The following JAK2 variants were observed in gnomAD, a reference collection of about 807,000 sequenced individuals.
JAK2 encodes tyrosine-protein kinase JAK2.
JAK2 carries 86 observed loss-of-function variants against 139.3 expected under a neutral mutation model. The ratio of observed to expected loss-of-function variants is 0.62; its 90% CI spans 0.52 to 0.74. The LOEUF is 0.74. Ranked by LOEUF, JAK2 falls within the 30% of genes least tolerant of loss-of-function variation. The pLI is 0.00. For missense variants in JAK2, 1,421 were observed against 1,360.3 expected (o/e 1.04, Z -0.70); for synonymous variants, 490 against 437.7 (o/e 1.12, Z -1.49).
At chr9:5,111,822 C>T (rs1822584601) in intron 22 of JAK2, 1 of 418,662 alleles carries the variant, frequency 2.4e-6, no homozygotes, top group Non-Finnish European at 4.7e-6. Flanking sequence ...GCGGCGTCTC[C>T]AGCCACACGC....
chr9:5,111,602 G>C, intron 22 of JAK2: 1 of 368,150 alleles, frequency 2.7e-6, no homozygotes, highest in East Asian at 7.2e-5. Flanking sequence ...GAGTTCCCTG[G>C]GCCAGGTGGG....
At chr9:5,013,718 C>A (rs533077297) in intron 2 of JAK2, among the ~76,000 whole-genome samples, 1 of 152,222 alleles carries the variant, frequency 6.6e-6, no homozygotes, top group South Asian at 2.1e-4. Flanking sequence ...CTTCTAAAAC[C>A]TTTCTTTGTT....
At position 5,034,798 on chromosome 9, in the gene JAK2, T is replaced by C. The variant is rs147916986; in HGVS notation, c.350+4892T>C. ...ACAAGAGAAAGCAGGAAAGATCCAA[T>C]TGACACCCTAACATCACAATTAAAA... On this transcript the variant is annotated intron_variant, in intron 4 of 24. Transcript: ENST00000381652. Among the ~76,000 whole-genome samples the C allele has an allele frequency of 5.6e-4, 85 of 151,768 alleles. 1 individual carries two copies. The highest frequency in any genetic ancestry group is 1.9e-3 in the African/African-American group (80 of 41,420).
chr9:5,001,771 T>G (rs563833177), intron 2 of JAK2, among the ~76,000 whole-genome samples: 1 of 152,230 alleles, frequency 6.6e-6, no homozygotes, highest in East Asian at 1.9e-4. Flanking sequence ...CTTAAATAGT[T>G]GACAGACTTT....
In JAK2 at chr9:5,123,028, G is replaced by T; in HGVS notation, c.3084G>T (p.Glu1028Asp). 1 of 1,611,070 alleles carries T rather than the reference G, an allele frequency of 6.2e-7. No individual in the cohort carries two copies. The highest frequency in any genetic ancestry group is 1.1e-5 in the South Asian group (1 of 90,736). Reference sequence around the variant, plus strand: ...GGTATGCTCCAGAATCACTGACAGAGAGCAAGTTTTCTGTGGCCTCAGATG... The same window carrying T: ...GGTATGCTCCAGAATCACTGACAGATAGCAAGTTTTCTGTGGCCTCAGATG... The part of the protein sequence containing the change: ...IFWYAPESLT[E>D]SKFSVASDVW... Residue 1028 changes from glutamate (E) to aspartate (D), a missense_variant, in exon 23 of 25, where the codon GAG (glutamate) becomes GAT (aspartate). Transcript: ENST00000381652.
At chr9:5,021,336 C>G (rs982184632) in intron 2 of JAK2, among the ~76,000 whole-genome samples, 16 of 152,182 alleles carry the variant, frequency 1.1e-4, no homozygotes, top group African/African-American at 3.9e-4. Flanking sequence ...TTCTGGACCC[C>G]TCTTCCCCCA....
At chr9:5,003,636 C>T (rs1278628052) in intron 2 of JAK2, among the ~76,000 whole-genome samples, 1 of 152,056 alleles carries the variant, frequency 6.6e-6, no homozygotes, top group East Asian at 1.9e-4. Context: ...CATATACAGA[C>T]ATGTCCTCTA....
intron 3 of JAK2, among the ~76,000 whole-genome samples, chr9:5,025,091 C>A (rs1163600240): frequency 6.6e-6 from 1 of 152,038 alleles, no homozygotes; most frequent in Non-Finnish European, 1.5e-5. Context: ...CATATCTTTG[C>A]CTATTTTCTG....
At chr9:5,039,471 C>T (rs753951421) in intron 4 of JAK2, among the ~76,000 whole-genome samples, 47 of 152,066 alleles carry the variant, frequency 3.1e-4, no homozygotes, top group Non-Finnish European at 2.2e-4. Flanking sequence ...CTTTGTATAT[C>T]AGGAACATGA....
At chr9:4,991,313 A>G (rs912872301) in intron 2 of JAK2, among the ~76,000 whole-genome samples, 8 of 152,234 alleles carry the variant, frequency 5.3e-5, no homozygotes, top group African/African-American at 1.9e-4. Context: ...CTTCCCAAGA[A>G]CATTCTTCTG....
At chr9:5,107,234 C>T (rs1397588186) in intron 22 of JAK2, among the ~76,000 whole-genome samples, 2 of 152,090 alleles carry the variant, frequency 1.3e-5, no homozygotes, top group African/African-American at 2.4e-5. Flanking sequence ...AATAACCTGA[C>T]ACTAGCCTTA....
chr9:5,032,299 C>A (rs545240086), intron 4 of JAK2, among the ~76,000 whole-genome samples: 1 of 152,336 alleles, frequency 6.6e-6, no homozygotes, highest in South Asian at 2.1e-4. Flanking sequence ...GCCTGCCGGC[C>A]TCTGTAGACT....
chr9:5,002,188 C>A (rs10974907), intron 2 of JAK2, among the ~76,000 whole-genome samples: 42,440 of 150,844 alleles, frequency 0.28, 6,344 homozygotes, highest in African/African-American at 0.39. Flanking sequence ...GTTCTTTATT[C>A]TTTCTTCACT....
intron 22 of JAK2, chr9:5,114,187 T>TC: frequency 2.2e-6 from 1 of 454,354 alleles, no homozygotes; most frequent in South Asian, 1.9e-5. Context: ...CCGCAAGGGG[T>TC]GAGCACCTAC....
intron 14 of JAK2, among the ~76,000 whole-genome samples, chr9:5,074,080 A>G (rs1438247751): frequency 1.3e-5 from 2 of 152,182 alleles, no homozygotes; most frequent in African/African-American, 4.8e-5. Context: ...GGCAGGTTCA[A>G]CATAACATTG....
chr9:5,030,353 T>C (rs1823065556), intron 4 of JAK2, among the ~76,000 whole-genome samples: 1 of 152,188 alleles, frequency 6.6e-6, no homozygotes, highest in Admixed American at 6.5e-5. Flanking sequence ...TAAGTTAATT[T>C]ATATAATTTA....
chr9:5,025,734 G>A lies in JAK2; in HGVS notation c.226+3521G>A, dbSNP rs150495038. 8.5e-5 allele frequency among the ~76,000 whole-genome samples: 13 copies of A among 152,198 alleles called. No individual in the cohort carries two copies. In the East Asian group the frequency reaches 2.5e-3, roughly 29 times the overall value. ...TTTTGGTAGAGACGGGGTTTGCCATGTTGGCCAAGCTTATCTCAAACTCCT... is the reference window on the plus strand; with the variant it reads ...TTTTGGTAGAGACGGGGTTTGCCATATTGGCCAAGCTTATCTCAAACTCCT... On this transcript the variant is annotated intron_variant, in intron 3 of 24. Coordinates refer to ENST00000381652, the MANE Select transcript of JAK2 (RefSeq NM_004972.4).
At position 5,073,804 on chromosome 9, in the gene JAK2, T is replaced by C; in HGVS notation, c.1864+19T>C. The C allele has an allele frequency of 2.1e-6, 3 of 1,443,476 alleles. No homozygotes were observed. The highest frequency in any genetic ancestry group is 2.9e-6 in the Non-Finnish European group (3 of 1,030,030). The allele number at this position is 1,443,476 out of a possible 1,614,324, so 89.4% of individuals were successfully genotyped here. Reference sequence around the variant, plus strand: ...GACGAGAGTAAGTAAAACTACAGGCTTTCTAATGCCTTTCTCAGAGCATCT... The same window carrying C: ...GACGAGAGTAAGTAAAACTACAGGCCTTCTAATGCCTTTCTCAGAGCATCT... On this transcript the variant is annotated intron_variant, in intron 14 of 24. Transcript: ENST00000381652.
At chr9:5,035,414 G>A (rs933185260) in intron 4 of JAK2, among the ~76,000 whole-genome samples, 32 of 152,246 alleles carry the variant, frequency 2.1e-4, no homozygotes, top group African/African-American at 7.7e-4. Context: ...ACCAAAGCCT[G>A]GCAGAGACAC....
Sources: allele counts gnomAD v4.1 joint callset (sites outside exome capture counted in the v4.1 genomes callset), GRCh38; gene constraint gnomAD v4.1.1; transcripts MANE v1.5; gene names NCBI Gene and HGNC (gene_info 2026-07-23, HGNC 2026-07-21).